Variants in GBA2 observed in about 807,000 individuals in gnomAD.
GBA2 encodes the protein glucosylceramidase beta 2, also known as non-lysosomal glucosylceramidase.
GBA2 carries 79 observed loss-of-function variants against 112.9 expected under a neutral mutation model. That is an observed-to-expected ratio of 0.70 (90% CI 0.58 to 0.84). The LOEUF (loss-of-function observed/expected upper bound fraction) is 0.84, where lower values mean the gene tolerates loss of function less well. Among genes scored for constraint, GBA2 ranks in the 40% least tolerant of loss-of-function variants. The probability of loss-of-function intolerance (pLI) is 0.00; values close to 1 mark genes in which losing one functional copy is unlikely to be tolerated. For missense variants in GBA2, 1,043 were observed against 1,190.0 expected, an observed-to-expected ratio of 0.88 and a Z score of 1.82; for synonymous variants, 403 against 434.3, an observed-to-expected ratio of 0.93 and a Z score of 0.90.
chr9:35,737,552 C>T lies in GBA2; in HGVS notation c.2506-105G>A, dbSNP rs1323626053. On this transcript the variant is annotated intron_variant, in intron 16 of 16. Coordinates refer to ENST00000378103, the MANE Select transcript of GBA2 (RefSeq NM_020944.3). The surrounding 1 kb of genome is among the most constrained non-coding windows in gnomAD (Gnocchi z 4.1). ...AGAGTCTTTGCCTTCAAGGAGCTCC[C>T]AGCAAGTGGAGGAGATAACTATGAC... is the stretch of plus-strand genomic sequence containing the variant. The T allele has an allele frequency of 6.4e-7, 1 of 1,557,098 alleles. No homozygotes were observed. The highest frequency in any genetic ancestry group is 1.4e-5 in the African/African-American group (1 of 73,244).
rs745395966 is a variant in GBA2 at position 35,740,139 on chromosome 9, G to T, written c.1284-16C>A. The T allele has an allele frequency of 3.7e-6, 6 of 1,614,118 alleles. No individual in the cohort carries two copies. The highest frequency in any genetic ancestry group is 2.5e-6 in the Non-Finnish European group (3 of 1,179,986). On this transcript the variant is annotated splice_polypyrimidine_tract_variant and intron_variant, in intron 7 of 16. Transcript: ENST00000378103. This position sits in a 1 kb window ranked among gnomAD's most constrained non-coding sequence, Gnocchi z 4.7. ...TGTATACCGCCTGGGGTGGGAAGGG[G>T]AAGGATGAACACAAGCCCCAGGTCA...
In GBA2 at chr9:35,748,899, G is replaced by A; in HGVS notation, c.-195C>T. The A allele has an allele frequency of 7.8e-6, 4 of 514,542 alleles. No homozygotes were observed. The highest frequency in any genetic ancestry group is 3.6e-5 in the Admixed American group (1 of 27,910). The allele number at this position is 514,542 out of a possible 1,614,324, so 31.9% of individuals were successfully genotyped here. A position where few individuals can be genotyped will look rare whatever the true frequency, so the allele number is the denominator to read the frequency against. On this transcript the variant is annotated 5_prime_UTR_variant, in exon 1 of 17. Coordinates refer to ENST00000378103, the MANE Select transcript of GBA2 (RefSeq NM_020944.3). ...GCGGCGACAGCAAAGAAGCCGCCTT[G>A]GGCTCTCCTTCGGTTGTCTCTGTAG...
rs755356111 is a variant in GBA2 at position 35,740,207 on chromosome 9, A to T, written c.1283+2T>A. On this transcript the variant is annotated splice_donor_variant, in intron 7 of 16. Transcript: ENST00000378103. LOFTEE classifies it high-confidence loss of function. This position sits in a 1 kb window ranked among gnomAD's most constrained non-coding sequence, Gnocchi z 4.7. The stretch of plus-strand genomic sequence containing the variant: ...ATCCTTACACTTTCTTGGTCCCCTC[A>T]CCTGTAGTGGACTTGGCCTTTAGCT... 1 of 1,614,004 alleles carries T rather than the reference A, an allele frequency of 6.2e-7. No homozygotes were observed. Among genetic ancestry groups the T allele is most frequent in the East Asian group, 2.2e-5 (1 of 44,874 alleles).
intron 10 of GBA2, 71 bp from the exon 11 acceptor site, chr9:35,739,180 A>G: frequency 9.3e-7 from 1 of 1,079,352 alleles, no homozygotes; most frequent in Non-Finnish European, 1.4e-6. Context: ...TATGTGTGTG[A>G]CTGCAGTGGG....
At chr9:35,738,980 T>G in intron 11 of GBA2, 22 bp downstream of exon 11, 1 of 1,607,702 alleles carries the variant, frequency 6.2e-7, no homozygotes, top group Non-Finnish European at 8.5e-7. Context: ...GGAGGGAAGC[T>G]GACCTTGGGG....
At chr9:35,743,412 A>G (rs1826809534) in intron 3 of GBA2, 1 of 153,518 alleles carries the variant, frequency 6.5e-6, no homozygotes, top group East Asian at 1.9e-4. Context: ...CACAGTGTCT[A>G]GCACATGTTA....
At position 35,741,465 on chromosome 9, in the gene GBA2, T is replaced by C. The variant is rs1299459939; in HGVS notation, c.786+207A>G. On this transcript the variant is annotated intron_variant, in intron 4 of 16. Coordinates refer to ENST00000378103, the MANE Select transcript of GBA2 (RefSeq NM_020944.3). This position sits in a 1 kb window ranked among gnomAD's most constrained non-coding sequence, Gnocchi z 4.6. ...GCCTGCCACAACGCCCAGCTAATTT[T>C]TTTTTTTGTATTTTTAGTAGATATG... 37 of 567,760 alleles carry C rather than the reference T, an allele frequency of 6.5e-5. No homozygotes were observed. Among genetic ancestry groups the C allele is most frequent in the Non-Finnish European group, 6.3e-6 (2 of 316,954 alleles). 35.2% of individuals were successfully genotyped at this position (567,760 alleles called of 1,614,324 possible).
chr9:35,739,762 T>A lies in GBA2; in HGVS notation c.1448A>T (p.Glu483Val). ...PAWYKSALFNELYFLADGGTV... is the reference protein window; with the variant it reads ...PAWYKSALFNVLYFLADGGTV... The stretch of plus-strand genomic sequence containing the variant: ...GCCTCCATCAGCCAGGAAGTATAGT[T>A]CATTGAACAGCGCAGATTTGTACCA... The change falls in exon 9 of 17, where the codon GAA becomes GTA. Residue 483 changes from glutamate to valine, a missense_variant. By Grantham distance (121) the Glu-to-Val change is moderately radical (BLOSUM62 -2). Coordinates refer to ENST00000378103, the MANE Select transcript of GBA2 (RefSeq NM_020944.3). 6.2e-7 allele frequency: 1 copy of A among 1,614,098 alleles called. No homozygotes were observed. The highest frequency in any genetic ancestry group is 8.5e-7 in the Non-Finnish European group (1 of 1,179,946).
intron 1 of GBA2, among the ~76,000 whole-genome samples, 157 bp downstream of exon 1, chr9:35,748,189 C>A (rs1408456179): frequency 6.6e-6 from 1 of 152,220 alleles, no homozygotes; most frequent in Non-Finnish European, 1.5e-5. Flanking sequence ...CCTGGTCTCA[C>A]GGTCCAAAAC....
chr9:35,746,022 A>G lies in GBA2; in HGVS notation c.360-1316T>C, dbSNP rs2132010960. ...GCCATAAAGTACAGGTATGATTATT[A>G]CTCATATATACAAACTGTTATCTCA... On this transcript the variant is annotated intron_variant, in intron 1 of 16. Transcript: ENST00000378103. This position sits in a 1 kb window ranked among gnomAD's most constrained non-coding sequence, Gnocchi z 5.2. Among the ~76,000 whole-genome samples, 1 of 152,334 alleles carries G rather than the reference A, an allele frequency of 6.6e-6. No individual in the cohort carries two copies. Among genetic ancestry groups the G allele is most frequent in the South Asian group, 2.1e-4 (1 of 4,834 alleles).
chr9:35,742,955 C>T (rs1399740514), intron 3 of GBA2, among the ~76,000 whole-genome samples: 1 of 152,064 alleles, frequency 6.6e-6, no homozygotes, highest in South Asian at 2.1e-4. Flanking sequence ...GTGTCTGTAC[C>T]GAATATGTAC....
Position 35,744,418 on chromosome 9 carries a change from G to T in GBA2, c.452-6C>A, listed in dbSNP as rs762379787. The stretch of plus-strand genomic sequence containing the variant: ...GATGCCACCCAAGGGACAACCTAGA[G>T]AAATCAGGGTGGTTAGTGGGGTATT... On this transcript the variant is annotated splice_region_variant and splice_polypyrimidine_tract_variant and intron_variant, in intron 2 of 16. Transcript: ENST00000378103. The T allele has an allele frequency of 3.9e-6, 6 of 1,532,648 alleles. No homozygotes were observed. The highest frequency in any genetic ancestry group is 5.4e-6 in the Non-Finnish European group (6 of 1,105,804). 94.9% of individuals were successfully genotyped at this position (1,532,648 alleles called of 1,614,324 possible).
At chr9:35,744,539 G>A (rs1162879716) in intron 2 of GBA2, 76 bp downstream of exon 2, 10 of 1,070,926 alleles carry the variant, frequency 9.3e-6, no homozygotes, top group Non-Finnish European at 1.3e-5. Context: ...TGCATAAGCT[G>A]GAAGTCTCTT....
chr9:35,748,699 C>T lies in GBA2; in HGVS notation c.6G>A (p.Gly2=), dbSNP rs772807223. The T allele has an allele frequency of 1.9e-6, 3 of 1,544,526 alleles. No homozygotes were observed. The highest frequency in any genetic ancestry group is 2.4e-5 in the South Asian group (2 of 81,960). The change falls in exon 1 of 17, where the codon GGG becomes GGA. Residue 2 remains glycine (G), a synonymous_variant. Coordinates refer to ENST00000378103, the MANE Select transcript of GBA2 (RefSeq NM_020944.3). M[G]TQDPGNMGTG... ...TTCCCATGTTCCCTGGATCCTGGGTCCCCATGACCTCGATGGCGCCAAGTC... is the reference window on the plus strand; with the variant it reads ...TTCCCATGTTCCCTGGATCCTGGGTTCCCATGACCTCGATGGCGCCAAGTC...
In GBA2 at chr9:35,740,571, C is replaced by T. The variant is rs755967440; in HGVS notation, c.1084G>A (p.Val362Met). Residue 362 changes from valine (V) to methionine (M), a missense_variant, in exon 6 of 17, where the codon GTG becomes ATG. Coordinates refer to ENST00000378103, the MANE Select transcript of GBA2 (RefSeq NM_020944.3). This position sits in a 1 kb window ranked among gnomAD's most constrained non-coding sequence, Gnocchi z 4.7. ...CCATCCTGAAGTAGATCCTGCCACA[C>T]CTGCTGCCCCGTGCTGTCAGGGTCA... ...AFDPDSTGQQ[V>M]WQDLLQDGQL... is the part of the protein sequence containing the mutation. The T allele has an allele frequency of 1.9e-6, 3 of 1,614,078 alleles. No individual in the cohort carries two copies. Among genetic ancestry groups the T allele is most frequent in the Admixed American group, 3.3e-5 (2 of 60,016 alleles).
chr9:35,744,736 G>A (rs1331240308), intron 1 of GBA2, 30 bp from the exon 2 acceptor site: 2 of 1,211,260 alleles, frequency 1.7e-6, no homozygotes, highest in East Asian at 2.3e-5. Context: ...GTGAGTGGAA[G>A]GGGGCAGGTG....
rs1390965700 is a variant in GBA2 at position 35,748,335 on chromosome 9, G to A, written c.359+11C>T. The A allele has an allele frequency of 1.3e-6, 2 of 1,508,858 alleles. No individual in the cohort carries two copies. Among genetic ancestry groups the A allele is most frequent in the South Asian group, 2.3e-5 (2 of 86,510 alleles). 93.5% of individuals were successfully genotyped at this position (1,508,858 alleles called of 1,614,324 possible). On this transcript the variant is annotated intron_variant, in intron 1 of 16. Coordinates refer to ENST00000378103, the MANE Select transcript of GBA2 (RefSeq NM_020944.3). Reference sequence around the variant, plus strand: ...AAGCCAAAGGCATTCTAGGCAATGGGGTCTACTCACCTCAAGCCCATGCCT... The same window carrying A: ...AAGCCAAAGGCATTCTAGGCAATGGAGTCTACTCACCTCAAGCCCATGCCT...
At position 35,737,469 on chromosome 9, in the gene GBA2, A is replaced by G. The variant is rs1246795121; in HGVS notation, c.2506-22T>C. On this transcript the variant is annotated intron_variant, in intron 16 of 16. Transcript: ENST00000378103. This position sits in a 1 kb window ranked among gnomAD's most constrained non-coding sequence, Gnocchi z 4.1. ...GGCCCTGTTGGGAGAGATGACAGTC[A>G]TACATACTAACTTGGCACCCTCTGA... 6.2e-7 allele frequency: 1 copy of G among 1,610,088 alleles called. No homozygotes were observed. The highest frequency in any genetic ancestry group is 1.1e-5 in the South Asian group (1 of 90,448).
At chr9:35,739,910 A>G (rs960617246) in intron 8 of GBA2, 88 bp downstream of exon 8, 6 of 1,561,342 alleles carry the variant, frequency 3.8e-6, no homozygotes, top group East Asian at 2.2e-5. Flanking sequence ...GTGCAAGTCT[A>G]CTGACTTTGG....
Sources: gnomAD v4.1 joint callset for allele counts (sites outside exome capture counted in the v4.1 genomes callset) on GRCh38, gnomAD v4.1.1 for gene constraint, Gnocchi (gnomAD v3.1) non-coding constraint, MANE v1.5 for transcripts, NCBI Gene and HGNC (gene_info 2026-07-23, HGNC 2026-07-21) for gene names.